TBC1D26: variants seen among roughly 807,000 people sequenced by gnomAD.
TBC1D26 encodes the protein TBC1 domain family member 26.
Under a neutral mutation model 42.5 loss-of-function variants are expected in TBC1D26, and 19 were observed. The observed-to-expected ratio is 0.45, with a 90% confidence interval of 0.31 to 0.66. The LOEUF is 0.66. Ranked by LOEUF, TBC1D26 falls within the 30% of genes least tolerant of loss-of-function variation. The pLI is 0.06. For missense variants in TBC1D26, 228 were observed against 332.6 expected (o/e 0.69, Z 2.45); for synonymous variants, 97 against 123.5 (o/e 0.79, Z 1.42).
intron 1 of TBC1D26, among the ~76,000 whole-genome samples, chr17:15,732,868 C>T (rs1332638097): frequency 2.0e-5 from 3 of 152,138 alleles, no homozygotes; most frequent in African/African-American, 4.8e-5. Context: ...TGAGGGTCTC[C>T]GTGGGACCCA....
chr17:15,739,903 C>T (rs73978524), intron 8 of TBC1D26, among the ~76,000 whole-genome samples, 197 bp from the exon 9 acceptor site: 655 of 152,096 alleles, frequency 4.3e-3, no homozygotes, highest in African/African-American at 0.015. Context: ...TGTACACCTA[C>T]GACATTGCAT....
At chr17:15,742,267 C>A in intron 11 of TBC1D26, 147 bp from the exon 12 acceptor site, 1 of 551,108 alleles carries the variant, frequency 1.8e-6, no homozygotes, top group Non-Finnish European at 3.3e-6. Context: ...GAAGTGTGTC[C>A]ACCGGGCGTC....
chr17:15,733,714 G>A (rs1263221450), intron 1 of TBC1D26: 1 of 152,268 alleles, frequency 6.6e-6, no homozygotes, highest in African/African-American at 2.4e-5. Context: ...GACACCTTAG[G>A]GGCTGGAGGA....
At chr17:15,737,745 C>T in intron 5 of TBC1D26, 2 of 823,146 alleles carry the variant, frequency 2.4e-6, no homozygotes, top group Admixed American at 2.9e-5. Flanking sequence ...CCTGTTTGAA[C>T]CAAGACCCCA....
At chr17:15,742,648 C>A (rs1967821762) in intron 12 of TBC1D26, among the ~76,000 whole-genome samples, 169 bp downstream of exon 12, 1 of 152,208 alleles carries the variant, frequency 6.6e-6, no homozygotes, top group South Asian at 2.1e-4. Context: ...GCCTCATGGG[C>A]AGACTGGGGC....
chr17:15,733,489 AG>A (rs1224963510), intron 1 of TBC1D26, among the ~76,000 whole-genome samples: 1 of 152,132 alleles, frequency 6.6e-6, no homozygotes, highest in East Asian at 1.9e-4. Context: ...CTGCATCTTC[AG>A]GACTGCCCCG....
Position 15,741,613 on chromosome 17 carries a change from T to G in TBC1D26, c.647-329T>G, listed in dbSNP as rs771163623. On this transcript the variant is annotated intron_variant, in intron 10 of 14. Transcript: ENST00000437605. ...TGGGCCAACAAAGCCAAGATGGAAG[T>G]GTCTGCCCATCCCATGTCCCCCAGC... is the stretch of plus-strand genomic sequence containing the variant. 91 of 470,122 alleles carry G rather than the reference T, an allele frequency of 1.9e-4. 1 individual carries two copies. Among genetic ancestry groups the G allele is most frequent in the African/African-American group, 1.6e-3 (82 of 51,406 alleles). The allele number at this position is 470,122 out of a possible 1,614,324, so 29.1% of individuals were successfully genotyped here.
chr17:15,737,753 C>T (rs556716081), intron 5 of TBC1D26: 155 of 806,486 alleles, frequency 1.9e-4, no homozygotes, highest in Non-Finnish European at 2.7e-4. Flanking sequence ...AACCAAGACC[C>T]CAGCTGAAGG....
At chr17:15,742,155 A>G in intron 11 of TBC1D26, 119 bp downstream of exon 11, 2 of 811,222 alleles carry the variant, frequency 2.5e-6, no homozygotes, top group Non-Finnish European at 3.9e-6. Context: ...CTGACCTGGG[A>G]TGGGGATTCC....
intron 11 of TBC1D26, 126 bp from the exon 12 acceptor site, chr17:15,742,288 G>T (rs1967809660): frequency 1.9e-6 from 1 of 525,114 alleles, no homozygotes; most frequent in South Asian, 2.1e-5. Context: ...CGTGCATGGG[G>T]CAGGTGTTGG....
intron 5 of TBC1D26, 46 bp from the exon 6 acceptor site, chr17:15,737,951 C>G: frequency 6.2e-7 from 1 of 1,613,676 alleles, no homozygotes; most frequent in Non-Finnish European, 8.5e-7. Context: ...GGGCCACTGT[C>G]AGACGCCTGG....
chr17:15,739,944 A>T (rs1967727769), intron 8 of TBC1D26, among the ~76,000 whole-genome samples, 156 bp from the exon 9 acceptor site: 2 of 152,262 alleles, frequency 1.3e-5, no homozygotes, highest in South Asian at 2.1e-4. Flanking sequence ...CTGAAAAAAA[A>T]TTCCTAAAAA....
chr17:15,742,428 G>C lies in TBC1D26; in HGVS notation c.756G>C (p.Leu252=). The C allele has an allele frequency of 3.3e-6, 1 of 299,024 alleles. No individual in the cohort carries two copies. Among genetic ancestry groups the C allele is most frequent in the Non-Finnish European group, 6.4e-6 (1 of 155,570 alleles). 18.5% of individuals were successfully genotyped at this position (299,024 alleles called of 1,614,324 possible). The change falls in exon 12 of 15, where the codon CTG becomes CTC. Residue 252 remains leucine (L), a synonymous_variant. Coordinates refer to ENST00000437605, the MANE Select transcript of TBC1D26 (RefSeq NM_001388465.1). ...KIMRHLGKEG[L]CIEGSMLTRL... is the part of the protein sequence containing the mutation. ...CCTCCCTTCAGGGCAAGGAAGGGCT[G>C]TGCATTGAGGGTTCCATGCTGACGA...
In TBC1D26 at chr17:15,741,139, G is replaced by A. The variant is rs375499068; in HGVS notation, c.564G>A (p.Arg188=). 1 of 1,612,134 alleles carries A rather than the reference G, an allele frequency of 6.2e-7. No individual in the cohort carries two copies. Among genetic ancestry groups the A allele is most frequent in the South Asian group, 1.1e-5 (1 of 91,078 alleles). ...TCTTGCAGGAGGTGGGCTACCACAG[G>A]GACCTGAGCCGCATCACTGCCATCC... The part of the protein sequence containing the change: ...SAYNPEVGYH[R]DLSRITAILL... Residue 188 remains arginine (R), a synonymous_variant, in exon 10 of 15, where the codon AGG becomes AGA. Transcript: ENST00000437605.
chr17:15,739,513 C>T (rs1446648600), intron 8 of TBC1D26, among the ~76,000 whole-genome samples: 3 of 152,252 alleles, frequency 2.0e-5, no homozygotes, highest in East Asian at 1.9e-4. Context: ...GGAAAAGGAA[C>T]GAACCCCCAA....
chr17:15,741,811 G>A (rs1389160645), intron 10 of TBC1D26, 131 bp from the exon 11 acceptor site: 2 of 805,002 alleles, frequency 2.5e-6, no homozygotes, highest in Admixed American at 2.5e-5. Context: ...GAGGCTACAT[G>A]CTGGGGTCAC....
Position 15,740,082 on chromosome 17 carries a change from C to A in TBC1D26, c.498-18C>A, listed in dbSNP as rs1432382649. The A allele has an allele frequency of 2.5e-6, 4 of 1,605,706 alleles. No individual in the cohort carries two copies. The highest frequency in any genetic ancestry group is 3.4e-6 in the Non-Finnish European group (4 of 1,175,094). ...TGCACACACACAAAAAAAAAACCCT[C>A]TTTCCCCTCTTTTCTAGGCAGCAGG... is the stretch of plus-strand genomic sequence containing the variant. On this transcript the variant is annotated intron_variant, in intron 8 of 14. Coordinates refer to ENST00000437605, the MANE Select transcript of TBC1D26 (RefSeq NM_001388465.1).
Position 15,742,407 on chromosome 17 carries a change from C to T in TBC1D26, c.742-7C>T, listed in dbSNP as rs375063545. Reference sequence around the variant, plus strand: ...GGGGCCCTGAGCACGTGTGCTCCTCCCTTCAGGGCAAGGAAGGGCTGTGCA... The same window carrying T: ...GGGGCCCTGAGCACGTGTGCTCCTCTCTTCAGGGCAAGGAAGGGCTGTGCA... On this transcript the variant is annotated splice_polypyrimidine_tract_variant and splice_region_variant and intron_variant, in intron 11 of 14. Transcript: ENST00000437605. 3.0e-5 allele frequency: 10 copies of T among 337,182 alleles called. No homozygotes were observed. The highest frequency in any genetic ancestry group is 2.0e-4 in the African/African-American group (9 of 45,900). The allele number at this position is 337,182 out of a possible 1,614,324, so 20.9% of individuals were successfully genotyped here.
chr17:15,734,218 T>C (rs945392226), intron 1 of TBC1D26: 2 of 151,624 alleles, frequency 1.3e-5, no homozygotes, highest in African/African-American at 4.9e-5. Flanking sequence ...CTACCCTAGA[T>C]TCCAAATCTT....
Sources: gnomAD v4.1 joint callset for allele counts (sites outside exome capture counted in the v4.1 genomes callset) on GRCh38, gnomAD v4.1.1 for gene constraint, MANE v1.5 for transcripts, NCBI Gene and HGNC (gene_info 2026-07-23, HGNC 2026-07-21) for gene names.